SLCO6A1: variants seen among roughly 807,000 people sequenced by gnomAD.
SLCO6A1 encodes solute carrier organic anion transporter family member 6A1.
SLCO6A1 carries 65 observed loss-of-function variants against 72.7 expected under a neutral mutation model. The ratio of observed to expected loss-of-function variants is 0.89; its 90% CI spans 0.73 to 1.10. SLCO6A1 has a LOEUF of 1.10. Among genes scored for constraint, SLCO6A1 ranks in the 50% least tolerant of loss-of-function variants. The pLI is 0.00. For missense variants in SLCO6A1, 874 were observed against 872.6 expected, an observed-to-expected ratio of 1.00 and a Z score of -0.02; for synonymous variants, 314 against 298.2, an observed-to-expected ratio of 1.05 and a Z score of -0.55.
intron 1 of SLCO6A1, among the ~76,000 whole-genome samples, chr5:102,487,502 C>G (rs1357406551): frequency 1.3e-5 from 2 of 152,166 alleles, no homozygotes; most frequent in African/African-American, 4.8e-5. Context: ...CACTCTGTGA[C>G]TTTACTCTTC....
At chr5:102,375,810 C>G (rs1745751985) in intron 12 of SLCO6A1, among the ~76,000 whole-genome samples, 1 of 151,800 alleles carries the variant, frequency 6.6e-6, no homozygotes, top group Admixed American at 6.6e-5. Context: ...AGTGATCACA[C>G]ATATATTAAA....
chr5:102,399,599 T>C lies in SLCO6A1; in HGVS notation c.1770A>G (p.Ile590Met), dbSNP rs1747286455. The C allele has an allele frequency of 2.5e-6, 4 of 1,591,396 alleles. No homozygotes were observed. The highest frequency in any genetic ancestry group is 3.4e-6 in the Non-Finnish European group (4 of 1,166,552). ...TTGGTACACCAGAAAAACCAGAAAA[T>C]ATAAGTGTAGAAAAGATAAAAGCAA... ...LFIAFIFSTL[I>M]FSGFSGVPIV... The change falls in exon 10 of 14, where the codon ATA becomes ATG. Residue 590 changes from isoleucine to methionine, a missense_variant. By Grantham distance (10) the Ile-to-Met change is conservative (BLOSUM62 1). Coordinates refer to ENST00000506729, the MANE Select transcript of SLCO6A1 (RefSeq NM_173488.5).
rs1209124424 is a variant in SLCO6A1, at chr5:102,388,844, T to C, written c.1880-19A>G. 1.0e-5 allele frequency: 16 copies of C among 1,584,772 alleles called. No individual in the cohort carries two copies. Among genetic ancestry groups the C allele is most frequent in the Non-Finnish European group, 1.3e-5 (15 of 1,171,248 alleles). ...ATAGTCCCTATGAAAAATGCAATGA[T>C]TGTAAATTCTTTGTGAAAACACTAT... On this transcript the variant is annotated intron_variant, in intron 11 of 13. Transcript: ENST00000506729.
intron 9 of SLCO6A1, among the ~76,000 whole-genome samples, chr5:102,405,884 A>G (rs915029244): frequency 3.3e-5 from 5 of 152,100 alleles, no homozygotes; most frequent in African/African-American, 1.2e-4. Context: ...CTGCAACATA[A>G]ATGTTACTGG....
intron 6 of SLCO6A1, among the ~76,000 whole-genome samples, chr5:102,444,590 C>T (rs932208150): frequency 2.0e-5 from 3 of 152,100 alleles, no homozygotes; most frequent in African/African-American, 7.2e-5. Flanking sequence ...GAAAATGCTG[C>T]TAATTGCAAA....
chr5:102,394,464 G>T (rs1746950714), intron 10 of SLCO6A1, among the ~76,000 whole-genome samples: 1 of 151,888 alleles, frequency 6.6e-6, no homozygotes, highest in Admixed American at 6.6e-5. Flanking sequence ...ATTTATTTCT[G>T]TAAGGTTACC....
rs749485692 is a variant in SLCO6A1, at chr5:102,438,710, C to G, written c.1183G>C (p.Glu395Gln). The change falls in exon 7 of 14, where the codon GAA (glutamate) becomes CAA (glutamine). Residue 395 changes from glutamate (E) to glutamine (Q), a missense_variant. Physicochemically the swap from Glu to Gln is conservative, Grantham distance 29. Coordinates refer to ENST00000506729, the MANE Select transcript of SLCO6A1 (RefSeq NM_173488.5). ...LICLALSKAT[E>Q]YLVIIGASEF... ...GAAGCTCCAATAATAACTAAATATT[C>G]TGTAGCTTTTGACAGAGCTAGGCAT... The G allele has an allele frequency of 3.8e-6, 6 of 1,593,642 alleles. No homozygotes were observed. Among genetic ancestry groups the G allele is most frequent in the Non-Finnish European group, 4.3e-6 (5 of 1,171,686 alleles).
intron 12 of SLCO6A1, among the ~76,000 whole-genome samples, chr5:102,376,534 A>C (rs1019754655): frequency 6.6e-6 from 1 of 152,152 alleles, no homozygotes; most frequent in African/African-American, 2.4e-5. Context: ...GGGCTTCAAA[A>C]TATCTAAAGA....
chr5:102,436,171 T>C (rs905647230), intron 7 of SLCO6A1, among the ~76,000 whole-genome samples: 1 of 152,216 alleles, frequency 6.6e-6, no homozygotes, highest in Admixed American at 6.5e-5. Context: ...CAGGAGTACC[T>C]AAAGCTCTGC....
rs1408501876 is a variant in SLCO6A1, at chr5:102,389,451, CA to C, written c.1880-627del. Among the ~76,000 whole-genome samples, 539 of 64,806 alleles carry C rather than the reference CA, an allele frequency of 8.3e-3. 28 individuals are homozygous for C. Among genetic ancestry groups the C allele is most frequent in the African/African-American group, 0.018 (350 of 18,958 alleles). 42.5% of individuals were successfully genotyped at this position (64,806 alleles called of 152,430 possible). A position where few individuals can be genotyped will look rare whatever the true frequency, so the allele number is the denominator to read the frequency against. ...GTGAACAGTCACACACCCCGCCCCC[CA>C]CCCCCACACACACAGAGTTGCCCCC... is the stretch of plus-strand genomic sequence containing the variant. On this transcript the variant is annotated intron_variant, in intron 11 of 13. Transcript: ENST00000506729.
chr5:102,444,209 G>T (rs1749989771), intron 6 of SLCO6A1, among the ~76,000 whole-genome samples: 1 of 152,148 alleles, frequency 6.6e-6, no homozygotes, highest in Non-Finnish European at 1.5e-5. Flanking sequence ...TGATGAGGAG[G>T]AAATAAAGGC....
intron 7 of SLCO6A1, among the ~76,000 whole-genome samples, chr5:102,434,174 C>G (rs1749375950): frequency 6.6e-6 from 1 of 152,010 alleles, no homozygotes; most frequent in African/African-American, 2.4e-5. Flanking sequence ...TCTCCACTAT[C>G]TTTTCAAGGA....
chr5:102,498,827 G>A lies in SLCO6A1; in HGVS notation c.18C>T (p.Ala6=), dbSNP rs777778272. MFVGV[A]RHSGSQDEVS... ...CTTCATCCTGGCTCCCAGAGTGCCG[G>A]GCGACGCCTACGAACATGGCTCACC... is the stretch of plus-strand genomic sequence containing the variant. Residue 6 remains alanine (A), a synonymous_variant, in exon 1 of 14, where the codon GCC becomes GCT. Coordinates refer to ENST00000506729, the MANE Select transcript of SLCO6A1 (RefSeq NM_173488.5). 1.0e-4 allele frequency: 168 copies of A among 1,610,702 alleles called. No homozygotes were observed. The highest frequency in any genetic ancestry group is 1.3e-4 in the Non-Finnish European group (158 of 1,179,066).
intron 1 of SLCO6A1, among the ~76,000 whole-genome samples, chr5:102,482,642 A>G (rs1227648584): frequency 1.3e-5 from 2 of 152,212 alleles, no homozygotes; most frequent in African/African-American, 4.8e-5. Flanking sequence ...ATATGTAGTA[A>G]AATCAGTGAA....
intron 7 of SLCO6A1, among the ~76,000 whole-genome samples, chr5:102,433,710 A>C (rs1194525696): frequency 1.3e-5 from 2 of 152,186 alleles, no homozygotes; most frequent in African/African-American, 4.8e-5. Flanking sequence ...TTTGTAGGGC[A>C]GTGGCAATGG....
At position 102,420,024 on chromosome 5, in the gene SLCO6A1, A is replaced by G; in HGVS notation, c.1277-3T>C. ...ACCTCCTGGAATTAAAACAAGTCCT[A>G]AAAAAAAGGAGGAGAAAAACACAGT... On this transcript the variant is annotated splice_polypyrimidine_tract_variant and splice_region_variant and intron_variant, in intron 7 of 13. Coordinates refer to ENST00000506729, the MANE Select transcript of SLCO6A1 (RefSeq NM_173488.5). 1.9e-6 allele frequency: 3 copies of G among 1,547,654 alleles called. No homozygotes were observed. Among genetic ancestry groups the G allele is most frequent in the Non-Finnish European group, 1.7e-6 (2 of 1,154,204 alleles).
Position 102,438,626 on chromosome 5 carries a change from T to C in SLCO6A1, c.1267A>G (p.Thr423Ala). The C allele has an allele frequency of 1.3e-6, 2 of 1,591,108 alleles. No individual in the cohort carries two copies. The highest frequency in any genetic ancestry group is 1.7e-6 in the Non-Finnish European group (2 of 1,172,798). The stretch of plus-strand genomic sequence containing the variant: ...AAGAAGGTAAATCTACCTGCAAGTG[T>C]AGTTGCCACAGTGGGTGTTAATATA... ...QFILTPTVAT[T>A]LAGLVLIPGG... Residue 423 changes from threonine (T) to alanine (A), a missense_variant, in exon 7 of 14, where the codon ACA (threonine) becomes GCA (alanine). Thr to Ala is a moderately conservative substitution (Grantham distance 58). Transcript: ENST00000506729.
At chr5:102,459,087 A>G (rs1263494622) in intron 5 of SLCO6A1, among the ~76,000 whole-genome samples, 1 of 152,144 alleles carries the variant, frequency 6.6e-6, no homozygotes, top group African/African-American at 2.4e-5. Flanking sequence ...AAAAGGAAAT[A>G]ATGAGAAACA....
chr5:102,399,812 T>C, intron 9 of SLCO6A1, 70 bp from the exon 10 acceptor site: 1 of 1,159,122 alleles, frequency 8.6e-7, no homozygotes, highest in Non-Finnish European at 1.2e-6. Flanking sequence ...TATCATAAAA[T>C]AAAAATTAAA....
Sources: allele counts gnomAD v4.1 joint callset (sites outside exome capture counted in the v4.1 genomes callset), GRCh38; gene constraint gnomAD v4.1.1; transcripts MANE v1.5; gene names NCBI Gene and HGNC (gene_info 2026-07-23, HGNC 2026-07-21).